PI4KA: variants seen among roughly 807,000 people sequenced by gnomAD.
PI4KA encodes PI4-kinase alpha.
PI4KA carries 122 observed loss-of-function variants against 271.4 expected under a neutral mutation model. The ratio of observed to expected loss-of-function variants is 0.45; its 90% confidence interval spans 0.39 to 0.52. The LOEUF (loss-of-function observed/expected upper bound fraction) is 0.52, where lower values mean the gene tolerates loss of function less well. Among genes scored for constraint, PI4KA ranks in the 20% least tolerant of loss-of-function variants. The pLI, the probability that PI4KA is intolerant of heterozygous loss-of-function variation, is 0.00. For synonymous variants in PI4KA, 1,041 were observed against 1,078.8 expected, an observed-to-expected ratio of 0.96 and a Z score of 0.69; for missense variants, 1,969 against 2,769.1, an observed-to-expected ratio of 0.71 and a Z score of 6.48.
intron 29 of PI4KA, 193 bp downstream of exon 29, chr22:20,747,390 C>A: frequency 2.1e-6 from 1 of 465,194 alleles, no homozygotes; most frequent in South Asian, 4.8e-5. Flanking sequence ...AATAAGGAAA[C>A]ACTCATTTCA....
intron 1 of PI4KA, among the ~76,000 whole-genome samples, chr22:20,850,770 G>A (rs1926867180): frequency 6.6e-6 from 1 of 152,104 alleles, no homozygotes; most frequent in African/African-American, 2.4e-5. Context: ...GCTGGGTACA[G>A]TGACTCAAGC....
chr22:20,797,772 A>G (rs763717225), intron 17 of PI4KA, among the ~76,000 whole-genome samples: 1 of 139,170 alleles, frequency 7.2e-6, no homozygotes, highest in South Asian at 2.2e-4. Flanking sequence ...ACTCCCACCC[A>G]CTAAACTGAC....
In PI4KA at chr22:20,819,611, TCTGCTCTTTCCCCA is replaced by T; in HGVS notation, c.789+16_789+29del. 3.1e-6 allele frequency: 5 copies of T among 1,601,864 alleles called. No homozygotes were observed. The highest frequency in any genetic ancestry group is 4.3e-6 in the Non-Finnish European group (5 of 1,172,816). On this transcript the variant is annotated intron_variant, in intron 6 of 54. Coordinates refer to ENST00000255882, the MANE Select transcript of PI4KA (RefSeq NM_058004.4). ...GGGGAGCTTAACAGGGTCTTTCTCC[TCTGCTCTTTCCCCA>T]GTAGCCCAGGCCCACCTGAGAGATG...
At chr22:20,749,816 T>G in intron 28 of PI4KA, 89 bp downstream of exon 28, 1 of 776,222 alleles carries the variant, frequency 1.3e-6, no homozygotes, top group Non-Finnish European at 2.3e-6. Context: ...ACTAGTGCTA[T>G]TTGGATTTTG....
chr22:20,784,256 C>T (rs5902), intron 19 of PI4KA: 58,308 of 1,614,022 alleles, frequency 0.036, 1,215 homozygotes, highest in Middle Eastern at 0.065. Context: ...GTATTTCACA[C>T]TGTGTGTTTG....
intron 6 of PI4KA, among the ~76,000 whole-genome samples, chr22:20,818,986 G>C (rs1047127416): frequency 2.6e-5 from 4 of 152,218 alleles, no homozygotes; most frequent in Admixed American, 2.0e-4. Context: ...GGCGACAAAG[G>C]AATGAGAAGA....
chr22:20,739,286 C>G (rs1435241700), intron 32 of PI4KA, among the ~76,000 whole-genome samples: 1 of 150,938 alleles, frequency 6.6e-6, no homozygotes, highest in Non-Finnish European at 1.5e-5. Context: ...GCGGAGTGAG[C>G]CAAGATCGGG....
intron 29 of PI4KA, among the ~76,000 whole-genome samples, chr22:20,746,188 A>G (rs973511744): frequency 4.7e-5 from 7 of 148,856 alleles, no homozygotes; most frequent in Middle Eastern, 3.6e-3. Context: ...TCAGCCTCCC[A>G]AGTAGCTGGG....
chr22:20,745,645 C>A (rs1929967832), intron 29 of PI4KA, among the ~76,000 whole-genome samples: 2 of 152,206 alleles, frequency 1.3e-5, no homozygotes, highest in South Asian at 4.2e-4. Context: ...TTTACATTTT[C>A]TGGAAACAAT....
chr22:20,716,004 C>G (rs1568947740), intron 45 of PI4KA, among the ~76,000 whole-genome samples: 1 of 152,168 alleles, frequency 6.6e-6, no homozygotes, highest in Non-Finnish European at 1.5e-5. Context: ...GATTCTTGTT[C>G]TCAGCCTCCC....
At position 20,756,480 on chromosome 22, in the gene PI4KA, A is replaced by C. The variant is rs1445015846; in HGVS notation, c.2792-3300T>G. On this transcript the variant is annotated intron_variant, in intron 23 of 54. Coordinates refer to ENST00000255882, the MANE Select transcript of PI4KA (RefSeq NM_058004.4). ...AATGATCCACCCGCCTTGGCCTCCCAAAGTGCTGGGATTACAGGCGTGAGC... is the reference window on the plus strand; with the variant it reads ...AATGATCCACCCGCCTTGGCCTCCCCAAGTGCTGGGATTACAGGCGTGAGC... Among the ~76,000 whole-genome samples the C allele has an allele frequency of 2.0e-5, 3 of 152,046 alleles. No individual in the cohort carries two copies. The East Asian group carries it at 5.8e-4, about 29-fold the overall frequency.
At chr22:20,850,570 A>G (rs1210822940) in intron 1 of PI4KA, among the ~76,000 whole-genome samples, 2 of 151,382 alleles carry the variant, frequency 1.3e-5, no homozygotes, top group African/African-American at 4.9e-5. Flanking sequence ...CAGCCTCCCC[A>G]GTAGCTGGGA....
At chr22:20,817,734 CAAAAAAAAAAAAAAAAAAAAAAAA>C (rs361731) in intron 7 of PI4KA, among the ~76,000 whole-genome samples, 7 of 13,952 alleles carry the variant, frequency 5.0e-4, no homozygotes, top group East Asian at 3.0e-3. Flanking sequence ...ACTCTCTCTC[CAAAAAAAAAAAAAAAAAAAAAAAA>C]AAAAAAAAAA....
At chr22:20,728,224 C>T (rs777767921) in intron 39 of PI4KA, among the ~76,000 whole-genome samples, 2 of 152,088 alleles carry the variant, frequency 1.3e-5, no homozygotes, top group African/African-American at 4.8e-5. Flanking sequence ...CTCATAAATA[C>T]AGACATCTAC....
intron 19 of PI4KA, chr22:20,773,734 G>C (rs1024989023): frequency 6.6e-6 from 1 of 152,312 alleles, no homozygotes; most frequent in Non-Finnish European, 1.5e-5. Flanking sequence ...CAGATGCTGT[G>C]ATCATCCCAG....
intron 19 of PI4KA, among the ~76,000 whole-genome samples, chr22:20,766,637 C>T (rs1932553705): frequency 6.6e-6 from 1 of 152,330 alleles, no homozygotes; most frequent in African/African-American, 2.4e-5. Context: ...TGCACTCCAG[C>T]CTGGGCAACA....
chr22:20,721,410 A>G lies in PI4KA; in HGVS notation c.5004T>C (p.Tyr1668=), dbSNP rs771404269. Residue 1668 remains tyrosine, a synonymous_variant, in exon 43 of 55, where the codon TAT becomes TAC. Transcript: ENST00000255882. ...VQALRYDKMG[Y]VREYILWAAS... Reference sequence around the variant, plus strand: ...CTGCCCACAGAATATACTCCCGCACATAGCCCATCTGCAGGAGAGCAAGGT... The same window carrying G: ...CTGCCCACAGAATATACTCCCGCACGTAGCCCATCTGCAGGAGAGCAAGGT... 7 of 1,613,818 alleles carry G rather than the reference A, an allele frequency of 4.3e-6. No individual in the cohort carries two copies. Among genetic ancestry groups the G allele is most frequent in the Non-Finnish European group, 5.9e-6 (7 of 1,179,966 alleles).
intron 19 of PI4KA, among the ~76,000 whole-genome samples, chr22:20,772,802 T>C (rs1460398381): frequency 6.6e-6 from 1 of 152,126 alleles, no homozygotes; most frequent in Non-Finnish European, 1.5e-5. Context: ...AAACAAATTA[T>C]CATAAGGCCG....
rs1927964433 is a variant in PI4KA at position 20,858,627 on chromosome 22, G to A, written c.99C>T (p.Asn33=). ...GGGAGCGGGCCAGTGACAGGACCGT[G>A]TTGAAATAGAAGCCCCGCGAGGCGC... is the stretch of plus-strand genomic sequence containing the variant. ...GSSASRGFYF[N]TVLSLARSLA... is the part of the protein sequence containing the mutation. Residue 33 remains asparagine (N), a synonymous_variant, in exon 1 of 55, where the codon AAC becomes AAT. Coordinates refer to ENST00000255882, the MANE Select transcript of PI4KA (RefSeq NM_058004.4). The A allele has an allele frequency of 6.7e-7, 1 of 1,487,776 alleles. No individual in the cohort carries two copies. The highest frequency in any genetic ancestry group is 8.9e-7 in the Non-Finnish European group (1 of 1,125,296). 92.2% of individuals were successfully genotyped at this position (1,487,776 alleles called of 1,614,324 possible). A position where few individuals can be genotyped will look rare whatever the true frequency, so the allele number is the denominator to read the frequency against.
Sources: allele counts gnomAD v4.1 joint callset (sites outside exome capture counted in the v4.1 genomes callset), GRCh38; gene constraint gnomAD v4.1.1; transcripts MANE v1.5; gene names NCBI Gene and HGNC (gene_info 2026-07-23, HGNC 2026-07-21).